Variants in DSCAML1 observed in about 807,000 individuals in gnomAD.
The protein encoded by DSCAML1 is DS cell adhesion molecule like 1, also known as cell adhesion molecule DSCAML1.
A neutral mutation model predicts 200.5 loss-of-function variants in DSCAML1; 38 were observed. The observed-to-expected ratio is 0.19, with a 90% CI of 0.15 to 0.25. The LOEUF (loss-of-function observed/expected upper bound fraction) is 0.25, where lower values mean the gene tolerates loss of function less well. DSCAML1 is among the 10% of genes least tolerant of loss of function. DSCAML1 has a pLI of 1.00. For synonymous variants in DSCAML1, 1,215 were observed against 1,165.0 expected (o/e 1.04, Z -0.87); for missense variants, 2,223 against 2,858.8 (o/e 0.78, Z 5.07).
intron 3 of DSCAML1, among the ~76,000 whole-genome samples, chr11:117,595,786 A>C (rs907491023): frequency 1.3e-5 from 2 of 152,136 alleles, no homozygotes; most frequent in Admixed American, 6.5e-5. Context: ...CTAAAAAAAA[A>C]AAAGTGACCT....
intron 3 of DSCAML1, among the ~76,000 whole-genome samples, chr11:117,586,728 G>A (rs1650221596): frequency 6.6e-6 from 1 of 152,170 alleles, no homozygotes; most frequent in South Asian, 2.1e-4. Context: ...GAGCCTTCAG[G>A]ACTCAGCCCT....
intron 2 of DSCAML1, among the ~76,000 whole-genome samples, chr11:117,779,936 C>T (rs2055201386): frequency 6.6e-6 from 1 of 152,008 alleles, no homozygotes; most frequent in Non-Finnish European, 1.5e-5. Flanking sequence ...AACCTCACTG[C>T]GGGTTTTCTA....
At chr11:117,685,862 G>A (rs1042876466) in intron 3 of DSCAML1, among the ~76,000 whole-genome samples, 2 of 152,182 alleles carry the variant, frequency 1.3e-5, no homozygotes, top group African/African-American at 4.8e-5. Flanking sequence ...TATGATGACT[G>A]TCTAGGGGGC....
chr11:117,812,102 C>T (rs1378813777), intron 1 of DSCAML1, among the ~76,000 whole-genome samples: 1 of 152,166 alleles, frequency 6.6e-6, no homozygotes, highest in East Asian at 1.9e-4. Context: ...CATCTCATTG[C>T]TGCCCTTCTT....
At chr11:117,575,120 G>A (rs765374597) in intron 3 of DSCAML1, among the ~76,000 whole-genome samples, 1 of 152,198 alleles carries the variant, frequency 6.6e-6, no homozygotes, top group Admixed American at 6.5e-5. Context: ...GAACCCAGGA[G>A]GCGGAGGTTG....
chr11:117,654,122 T>G (rs191019661), intron 3 of DSCAML1, among the ~76,000 whole-genome samples: 2 of 152,214 alleles, frequency 1.3e-5, no homozygotes, highest in East Asian at 3.8e-4. Context: ...TATTCTTCTA[T>G]GCAGATATGA....
intron 3 of DSCAML1, among the ~76,000 whole-genome samples, chr11:117,752,198 C>T (rs1217858056): frequency 2.6e-5 from 4 of 152,184 alleles, no homozygotes; most frequent in Non-Finnish European, 5.9e-5. Context: ...ACGGAAGCCT[C>T]AGGGAACTGA....
At chr11:117,512,824 C>CT (rs1044298007) in intron 8 of DSCAML1, among the ~76,000 whole-genome samples, 3 of 151,410 alleles carry the variant, frequency 2.0e-5, no homozygotes, top group African/African-American at 7.3e-5. Flanking sequence ...CCCCCACTTC[C>CT]CTCCCTCTCC....
chr11:117,614,020 A>C (rs1057038167), intron 3 of DSCAML1, among the ~76,000 whole-genome samples: 8 of 152,124 alleles, frequency 5.3e-5, no homozygotes, highest in African/African-American at 1.9e-4. Flanking sequence ...GGCTACTTTT[A>C]AATATTTATA....
chr11:117,655,780 T>G (rs2052721249), intron 3 of DSCAML1, among the ~76,000 whole-genome samples: 1 of 152,200 alleles, frequency 6.6e-6, no homozygotes. Context: ...AAAGGCATAT[T>G]TGAGGACTTG....
chr11:117,713,474 G>A (rs900902947), intron 3 of DSCAML1, among the ~76,000 whole-genome samples: 25 of 152,012 alleles, frequency 1.6e-4, no homozygotes, highest in Admixed American at 3.3e-4. Context: ...TGGAACCCAC[G>A]TTGGCCTTTT....
chr11:117,796,064 G>A (rs955832001), intron 1 of DSCAML1, among the ~76,000 whole-genome samples: 1 of 152,228 alleles, frequency 6.6e-6, no homozygotes, highest in Non-Finnish European at 1.5e-5. Flanking sequence ...CGTCCTCTGC[G>A]ATAGCCTGGA....
At chr11:117,622,843 C>G (rs889601981) in intron 3 of DSCAML1, among the ~76,000 whole-genome samples, 1 of 152,138 alleles carries the variant, frequency 6.6e-6, no homozygotes, top group Non-Finnish European at 1.5e-5. Flanking sequence ...AAGGATCCTA[C>G]GGGTAACAGA....
rs35130897 is a variant in DSCAML1, at chr11:117,539,606, C to CAAAAAAAAAAAAAAAAAA, written c.512-7102_512-7085dup. ...CTGGGCAACAAGAGTAAAACTCTGT[C>CAAAAAAAAAAAAAAAAAA]AAAAAAAAAAAAAAAAAAAAAAAAG... On this transcript the variant is annotated intron_variant, in intron 3 of 32. Transcript: ENST00000651296. Among the ~76,000 whole-genome samples the CAAAAAAAAAAAAAAAAAA allele has an allele frequency of 3.5e-3, 185 of 52,566 alleles. 3 individuals are homozygous for CAAAAAAAAAAAAAAAAAA. Among genetic ancestry groups the CAAAAAAAAAAAAAAAAAA allele is most frequent in the Non-Finnish European group, 4.7e-3 (131 of 28,082 alleles). The allele number at this position is 52,566 out of a possible 152,430, so 34.5% of individuals were successfully genotyped here.
At position 117,518,340 on chromosome 11, in the gene DSCAML1, A is replaced by T. The variant is rs1222957587; in HGVS notation, c.1510+126T>A. The T allele has an allele frequency of 1.5e-6, 2 of 1,306,196 alleles. No homozygotes were observed. The highest frequency in any genetic ancestry group is 2.9e-5 in the African/African-American group (2 of 68,734). 80.9% of individuals were successfully genotyped at this position (1,306,196 alleles called of 1,614,324 possible). A position where few individuals can be genotyped will look rare whatever the true frequency, so the allele number is the denominator to read the frequency against. ...AGGAAAAGGGGACGAGAGAGGGGAG[A>T]GAGACCTCTACTAAAATCAAAATGA... On this transcript the variant is annotated intron_variant, in intron 7 of 32. Coordinates refer to ENST00000651296, the MANE Select transcript of DSCAML1 (RefSeq NM_020693.4). This position sits in a 1 kb window ranked among gnomAD's most constrained non-coding sequence, Gnocchi z 6.3.
chr11:117,655,793 C>T (rs2052721557), intron 3 of DSCAML1, among the ~76,000 whole-genome samples: 1 of 152,230 alleles, frequency 6.6e-6, no homozygotes, highest in Non-Finnish European at 1.5e-5. Context: ...AGGACTTGGA[C>T]TCGAAGGCAA....
intron 1 of DSCAML1, among the ~76,000 whole-genome samples, chr11:117,785,391 G>C (rs570857845): frequency 3.9e-5 from 6 of 152,262 alleles, no homozygotes; most frequent in East Asian, 1.9e-4. Flanking sequence ...GGGTGACAAG[G>C]GGGGGCACTC....
intron 3 of DSCAML1, among the ~76,000 whole-genome samples, chr11:117,645,105 A>G (rs2052496538): frequency 6.6e-6 from 1 of 152,204 alleles, no homozygotes; most frequent in African/African-American, 2.4e-5. Context: ...GTGGTGGTTC[A>G]TGTCTCAGCA....
rs201821208 is a variant in DSCAML1, at chr11:117,428,833, G to A, written c.5687-30C>T. 4.9e-5 allele frequency: 75 copies of A among 1,546,050 alleles called. 2 individuals carry two copies. In the South Asian group the frequency reaches 7.9e-4, roughly 16 times the overall value. On this transcript the variant is annotated intron_variant, in intron 32 of 32. Coordinates refer to ENST00000651296, the MANE Select transcript of DSCAML1 (RefSeq NM_020693.4). Reference sequence around the variant, plus strand: ...AATCACAGAGGCAGAGGATGTTACAGAGAGTCATAGCCCTCTGGAAGCAGC... The same window carrying A: ...AATCACAGAGGCAGAGGATGTTACAAAGAGTCATAGCCCTCTGGAAGCAGC...
Sources: gnomAD v4.1 joint callset for allele counts (sites outside exome capture counted in the v4.1 genomes callset) on GRCh38, gnomAD v4.1.1 for gene constraint, Gnocchi (gnomAD v3.1) non-coding constraint, MANE v1.5 for transcripts, NCBI Gene and HGNC (gene_info 2026-07-23, HGNC 2026-07-21) for gene names.